BMAL1: variants seen among roughly 807,000 people sequenced by gnomAD.
BMAL1 encodes basic helix-loop-helix ARNT like 1.
chr11:13,328,476 G>T, the BMAL1 span, among the ~76,000 whole-genome samples: 3 of 152,244 alleles, frequency 2.0e-5, no homozygotes, highest in Non-Finnish European at 1.5e-5. Context: ...GAGCAAGCCT[G>T]CCACATCCAG....
chr11:13,365,638 AG>A, the BMAL1 span: 9 of 1,493,490 alleles, frequency 6.0e-6, no homozygotes, highest in South Asian at 1.0e-4. Flanking sequence ...CACAGCAGTC[AG>A]AAGTGTCACT....
the BMAL1 span, among the ~76,000 whole-genome samples, chr11:13,343,816 G>A: frequency 1.1e-4 from 16 of 152,118 alleles, no homozygotes; most frequent in Non-Finnish European, 1.8e-4. Context: ...CTCTATCAAC[G>A]ATATTGGGGG....
At chr11:13,365,353 A>C in the BMAL1 span, 1 of 557,658 alleles carries the variant, frequency 1.8e-6, no homozygotes, top group Non-Finnish European at 3.1e-6. Flanking sequence ...GTTTGTTTTC[A>C]GCATCCTGCA....
chr11:13,377,575 G>A, the BMAL1 span, among the ~76,000 whole-genome samples: 4 of 152,054 alleles, frequency 2.6e-5, no homozygotes, highest in South Asian at 2.1e-4. Context: ...TCTCCCTGCC[G>A]TGGACTTTCT....
At chr11:13,330,056 G>A in the BMAL1 span, among the ~76,000 whole-genome samples, 8 of 152,228 alleles carry the variant, frequency 5.3e-5, no homozygotes, top group Non-Finnish European at 1.2e-4. Flanking sequence ...AGATGGGTGA[G>A]TGGTTAGCCT....
chr11:13,323,447 AAC>A, the BMAL1 span, among the ~76,000 whole-genome samples: 2 of 152,124 alleles, frequency 1.3e-5, no homozygotes, highest in African/African-American at 4.8e-5. Flanking sequence ...TTCAAAAACA[AAC>A]AAAAAACTAG....
At chr11:13,310,310 A>G in the BMAL1 span, among the ~76,000 whole-genome samples, 12 of 152,214 alleles carry the variant, frequency 7.9e-5, no homozygotes, top group Non-Finnish European at 1.5e-4. Context: ...AGCGGGCCTT[A>G]TGGAGAGGTG....
chr11:13,311,522 T>G, the BMAL1 span, among the ~76,000 whole-genome samples: 1 of 152,000 alleles, frequency 6.6e-6, no homozygotes, highest in African/African-American at 2.4e-5. Flanking sequence ...TTACATGGAG[T>G]TGGACATAAA....
At chr11:13,354,327 G>C in the BMAL1 span, 9 of 1,611,594 alleles carry the variant, frequency 5.6e-6, no homozygotes, top group Non-Finnish European at 7.6e-6. Context: ...CCAGAGAATG[G>C]ACATTTCTTC....
At chr11:13,286,047 G>A in the BMAL1 span, among the ~76,000 whole-genome samples, 47,128 of 152,024 alleles carry the variant, frequency 0.31, 7,410 homozygotes, top group East Asian at 0.46. Context: ...AAGGCACTAG[G>A]TGGAAACTTG....
At chr11:13,291,568 G>T in the BMAL1 span, among the ~76,000 whole-genome samples, 2 of 152,200 alleles carry the variant, frequency 1.3e-5, no homozygotes, top group African/African-American at 4.8e-5. Context: ...ACTGTCCAGG[G>T]TTCTACAACT....
At chr11:13,359,582 G>GT in the BMAL1 span, among the ~76,000 whole-genome samples, 1 of 152,200 alleles carries the variant, frequency 6.6e-6, no homozygotes, top group African/African-American at 2.4e-5. Flanking sequence ...CAATAGGATG[G>GT]TTGCAACACG....
At chr11:13,354,991 C>CT in the BMAL1 span, 14 of 367,890 alleles carry the variant, frequency 3.8e-5, no homozygotes, top group African/African-American at 2.8e-4. Flanking sequence ...TATTTTTAGA[C>CT]TTGTTGACTT....
At chr11:13,352,761 G>T in the BMAL1 span, among the ~76,000 whole-genome samples, 1 of 152,124 alleles carries the variant, frequency 6.6e-6, no homozygotes, top group South Asian at 2.1e-4. Context: ...CTTATCTGTC[G>T]GCCTAACAGT....
At chr11:13,331,866 C>G in the BMAL1 span, among the ~76,000 whole-genome samples, 1 of 152,034 alleles carries the variant, frequency 6.6e-6, no homozygotes, top group Non-Finnish European at 1.5e-5. Context: ...GAAAACTTTG[C>G]TAGGGAGGGC....
the BMAL1 span, among the ~76,000 whole-genome samples, chr11:13,359,893 A>G: frequency 7.2e-5 from 11 of 152,112 alleles, no homozygotes; most frequent in Admixed American, 7.2e-4. Context: ...CTTCCACAAT[A>G]TATTTACTCA....
At chr11:13,340,735 G>A in the BMAL1 span, among the ~76,000 whole-genome samples, 83 of 152,206 alleles carry the variant, frequency 5.5e-4, 1 homozygote, top group Middle Eastern at 3.4e-3. Flanking sequence ...CACCATCTCT[G>A]AGTTCTTGTA....
At chr11:13,308,260 G>T in the BMAL1 span, among the ~76,000 whole-genome samples, 166 of 152,314 alleles carry the variant, frequency 1.1e-3, no homozygotes, top group African/African-American at 3.9e-3. Context: ...TCAGGGGTCT[G>T]TGTTGGACAT....
chr11:13,279,906 G>A, the BMAL1 span, among the ~76,000 whole-genome samples: 1 of 152,218 alleles, frequency 6.6e-6, no homozygotes, highest in African/African-American at 2.4e-5. Flanking sequence ...AGATCTGGTA[G>A]AAAAGCACTA....
Sources: gnomAD v4.1 joint callset for allele counts (sites outside exome capture counted in the v4.1 genomes callset) on GRCh38, gnomAD v4.1.1 for gene constraint, MANE v1.5 for transcripts, NCBI Gene and HGNC (gene_info 2026-07-23, HGNC 2026-07-21) for gene names.